Variants in ACP3 observed in about 807,000 individuals in gnomAD.
ACP3 encodes acid phosphatase 3.
Under a neutral mutation model 45.6 loss-of-function variants are expected in ACP3, and 38 were observed. The ratio of observed to expected loss-of-function variants is 0.83; its 90% CI spans 0.64 to 1.09. The LOEUF (loss-of-function observed/expected upper bound fraction) is 1.09. Ranked by LOEUF, ACP3 falls within the 50% of genes least tolerant of loss-of-function variation. The probability of loss-of-function intolerance (pLI) is 0.00; values close to 1 mark genes in which losing one functional copy is unlikely to be tolerated. For missense variants in ACP3, 466 were observed against 463.2 expected, an observed-to-expected ratio of 1.01 and a Z score of -0.05; for synonymous variants, 162 against 164.7, an observed-to-expected ratio of 0.98 and a Z score of 0.13.
downstream of ACP3, chr3:132,358,946 T>C (rs1350405029): frequency 2.2e-5 from 20 of 925,248 alleles, no homozygotes; most frequent in Non-Finnish European, 2.5e-5. Flanking sequence ...ACATTGAAAA[T>C]ATAGTTTGGA....
At chr3:132,364,631 ATCACAGTATCTTG>A (rs1938099791) in intron 10 of ACP3, among the ~76,000 whole-genome samples, 1 of 152,218 alleles carries the variant, frequency 6.6e-6, no homozygotes, top group South Asian at 2.1e-4. Context: ...TTTAGTAGTT[ATCACAGTATCTTG>A]TAATTACCTT....
chr3:132,363,368 T>C (rs903365068), downstream of ACP3, among the ~76,000 whole-genome samples: 1 of 152,158 alleles, frequency 6.6e-6, no homozygotes, highest in Non-Finnish European at 1.5e-5. Context: ...AAACCAATTC[T>C]TTTTTGTGGT....
Position 132,358,236 on chromosome 3 carries a change from A to G in ACP3, c.*1358A>G. The stretch of plus-strand genomic sequence containing the variant: ...GTGAGACACTGTCTCTACCAAAAAA[A>G]GGAAGGAAGGGACACATATCAAACT... On this transcript the variant is annotated 3_prime_UTR_variant, in exon 10 of 10. Transcript: ENST00000336375. 1 of 1,114,690 alleles carries G rather than the reference A, an allele frequency of 9.0e-7. No individual in the cohort carries two copies. Among genetic ancestry groups the G allele is most frequent in the Non-Finnish European group, 1.1e-6 (1 of 900,470 alleles). 69.0% of individuals were successfully genotyped at this position (1,114,690 alleles called of 1,614,324 possible). A position where few individuals can be genotyped will look rare whatever the true frequency, so the allele number is the denominator to read the frequency against.
intron 7 of ACP3, 86 bp from the exon 8 acceptor site, chr3:132,349,834 C>T (rs956318584): frequency 2.2e-4 from 199 of 885,516 alleles, no homozygotes; most frequent in Admixed American, 3.0e-4. Flanking sequence ...AGGGAGAGTC[C>T]GCAACTATGA....
rs1426269097 is a variant in ACP3, at chr3:132,358,796, T to G, written c.*1918T>G. On this transcript the variant is annotated 3_prime_UTR_variant, in exon 10 of 10. Coordinates refer to ENST00000336375, the MANE Select transcript of ACP3 (RefSeq NM_001099.5). ...TATAATGAACTTAGAAAAACGTATG[T>G]GTGTGTGTTTAATTAGAATAAAATT... The G allele has an allele frequency of 4.1e-6, 4 of 985,890 alleles. No homozygotes were observed. The African/African-American group carries it at 7.0e-5, about 17-fold the overall frequency. The allele number at this position is 985,890 out of a possible 1,614,324, so 61.1% of individuals were successfully genotyped here.
downstream of ACP3, among the ~76,000 whole-genome samples, chr3:132,360,785 A>G (rs994015030): frequency 6.6e-6 from 1 of 152,234 alleles, no homozygotes; most frequent in Non-Finnish European, 1.5e-5. Context: ...CTGAGAATCT[A>G]CAGCACAAAT....
rs984674770 is a variant in ACP3, at chr3:132,356,850, A to G, written c.1133A>G (p.His378Arg). The change falls in exon 10 of 10, where the codon CAT (histidine) becomes CGT (arginine). Residue 378 changes from histidine (H) to arginine (R), a missense_variant. His to Arg is a conservative substitution (Grantham distance 29). Transcript: ENST00000336375. ...WSTECMTTNS[H>R]QGTEDSTD Reference sequence around the variant, plus strand: ...ACGGAGTGTATGACCACAAACAGCCATCAAGGTACTGAAGACAGTACAGAT... The same window carrying G: ...ACGGAGTGTATGACCACAAACAGCCGTCAAGGTACTGAAGACAGTACAGAT... The G allele has an allele frequency of 6.2e-7, 1 of 1,614,048 alleles. No homozygotes were observed. Among genetic ancestry groups the G allele is most frequent in the African/African-American group, 1.3e-5 (1 of 74,924 alleles).
intron 8 of ACP3, among the ~76,000 whole-genome samples, chr3:132,352,261 G>A (rs1342203207): frequency 2.0e-5 from 3 of 151,842 alleles, no homozygotes; most frequent in Non-Finnish European, 2.9e-5. Context: ...GCAGTGGCAC[G>A]ATCTTGGCTC....
At chr3:132,359,309 G>A (rs1182940751), downstream of ACP3, among the ~76,000 whole-genome samples, 2 of 152,122 alleles carry the variant, frequency 1.3e-5, no homozygotes, top group East Asian at 1.9e-4. Context: ...TCAGGAGATT[G>A]AGACCATCCT....
At chr3:132,320,683 C>T (rs1004945996) in intron 1 of ACP3, among the ~76,000 whole-genome samples, 8 of 144,334 alleles carry the variant, frequency 5.5e-5, no homozygotes, top group Non-Finnish European at 1.0e-4. Context: ...CAGAGTCTTA[C>T]TCTGTCGCCC....
At chr3:132,328,503 AC>A (rs1937342487) in intron 2 of ACP3, 141 bp downstream of exon 2, 5 of 544,944 alleles carry the variant, frequency 9.2e-6, no homozygotes, top group South Asian at 8.1e-5. Context: ...ACGTGGTGAA[AC>A]CCTCTCTCTA....
chr3:132,345,548 C>T lies in ACP3; in HGVS notation c.781+489C>T, dbSNP rs540058928. ...CCTGAGTGGTAGTCATTGTGAAAGCCGATAAAATATATTTTTCAGGCTAAT... is the reference window on the plus strand; with the variant it reads ...CCTGAGTGGTAGTCATTGTGAAAGCTGATAAAATATATTTTTCAGGCTAAT... On this transcript the variant is annotated intron_variant, in intron 7 of 9. Transcript: ENST00000336375. Among the ~76,000 whole-genome samples the T allele has an allele frequency of 3.3e-5, 5 of 152,128 alleles. No individual in the cohort carries two copies. In the East Asian group the frequency reaches 7.7e-4, roughly 23 times the overall value.
chr3:132,354,599 G>A (rs1937834658), intron 9 of ACP3, among the ~76,000 whole-genome samples: 1 of 152,146 alleles, frequency 6.6e-6, no homozygotes, highest in South Asian at 2.1e-4. Context: ...TGCTTATTAG[G>A]TGATCCTGAC....
chr3:132,338,007 A>G (rs1245233905), intron 5 of ACP3, among the ~76,000 whole-genome samples: 1 of 152,182 alleles, frequency 6.6e-6, no homozygotes, highest in Non-Finnish European at 1.5e-5. Context: ...TAATCTTTTG[A>G]ATATTATACA....
intron 10 of ACP3, among the ~76,000 whole-genome samples, chr3:132,364,858 G>A (rs997927146): frequency 5.3e-5 from 8 of 150,886 alleles, no homozygotes; most frequent in African/African-American, 1.7e-4. Flanking sequence ...TCTAAATACA[G>A]AGTCAGCCAT....
At chr3:132,354,684 C>T (rs1283787848) in intron 9 of ACP3, among the ~76,000 whole-genome samples, 1 of 152,074 alleles carries the variant, frequency 6.6e-6, no homozygotes, top group Non-Finnish European at 1.5e-5. Context: ...AGATTTTCAA[C>T]CATCTTAAAT....
chr3:132,352,608 G>A (rs17242113), intron 8 of ACP3, 112 bp from the exon 9 acceptor site: 2 of 731,512 alleles, frequency 2.7e-6, no homozygotes, highest in Non-Finnish European at 4.8e-6. Context: ...AAGTCATTGT[G>A]GGCGTATGGG....
intron 5 of ACP3, among the ~76,000 whole-genome samples, 184 bp from the exon 6 acceptor site, chr3:132,342,368 G>C (rs1470805005): frequency 6.6e-6 from 1 of 152,160 alleles, no homozygotes; most frequent in Non-Finnish European, 1.5e-5. Flanking sequence ...AGATATTCTG[G>C]GTTATACAAG....
At chr3:132,368,001 C>T (rs1938159065) in exon 11 of ACP3, 1 of 576,202 alleles carries the variant, frequency 1.7e-6, no homozygotes, top group South Asian at 2.0e-5. Flanking sequence ...GATGAACACT[C>T]AGGCTACCTA....
Sources: gnomAD v4.1 joint callset for allele counts (sites outside exome capture counted in the v4.1 genomes callset) on GRCh38, gnomAD v4.1.1 for gene constraint, MANE v1.5 for transcripts, NCBI Gene and HGNC (gene_info 2026-07-23, HGNC 2026-07-21) for gene names.